RUVBL1: variants seen among roughly 807,000 people sequenced by gnomAD.
RUVBL1 encodes ruvB-like 1.
In RUVBL1, 4 loss-of-function variants were observed where a neutral mutation model predicts 52.4. The observed-to-expected ratio is 0.08, with a 90% CI of 0.04 to 0.17. The LOEUF (loss-of-function observed/expected upper bound fraction) is 0.17. RUVBL1 is among the 10% of genes least tolerant of loss of function. RUVBL1 has a pLI of 1.00. For synonymous variants in RUVBL1, 217 were observed against 214.4 expected, an observed-to-expected ratio of 1.01 and a Z score of -0.10; for missense variants, 298 against 572.8, an observed-to-expected ratio of 0.52 and a Z score of 4.90.
At chr3:128,079,553 G>A (rs1167657214), downstream of RUVBL1, among the ~76,000 whole-genome samples, 4 of 152,156 alleles carry the variant, frequency 2.6e-5, no homozygotes, top group Admixed American at 2.6e-4. Context: ...AACATGGCTC[G>A]AGTGGGGAGG....
upstream of RUVBL1, among the ~76,000 whole-genome samples, chr3:128,125,996 G>C (rs1943784025): frequency 6.6e-6 from 1 of 152,142 alleles, no homozygotes; most frequent in African/African-American, 2.4e-5. Context: ...CAGAAAGAAG[G>C]ATTTCCTTCT....
chr3:128,093,018 A>C (rs1241540823), intron 8 of RUVBL1, among the ~76,000 whole-genome samples: 1 of 152,114 alleles, frequency 6.6e-6, no homozygotes, highest in Admixed American at 6.5e-5. Context: ...TACTTTAAAA[A>C]AGAAAAAGAA....
chr3:128,123,149 C>T (rs1348610413), intron 1 of RUVBL1, among the ~76,000 whole-genome samples: 1 of 152,112 alleles, frequency 6.6e-6, no homozygotes, highest in Non-Finnish European at 1.5e-5. Context: ...CTGACCGTGG[C>T]CGACAAAGCC....
At chr3:128,146,518 A>C (rs1345361576) in intron 1 of RUVBL1, among the ~76,000 whole-genome samples, 2 of 112,470 alleles carry the variant, frequency 1.8e-5, no homozygotes, top group East Asian at 5.2e-4. Flanking sequence ...GTGTGCGTGC[A>C]TCTGTGTGTG....
At chr3:128,064,972 A>G in exon 10 of RUVBL1, 1 of 1,614,212 alleles carries the variant, frequency 6.2e-7, no homozygotes, top group Non-Finnish European at 8.5e-7. Flanking sequence ...CTACCGCCAG[A>G]ATCTTCCCAA....
At chr3:128,105,050 G>T in intron 3 of RUVBL1, 126 bp from the exon 4 acceptor site, 13 of 980,372 alleles carry the variant, frequency 1.3e-5, no homozygotes, top group Non-Finnish European at 1.9e-5. Context: ...AGGGTGTCAT[G>T]ATGGGTAAAA....
chr3:128,081,665 A>G lies in RUVBL1; in HGVS notation c.1212-256T>C. 2.3e-6 allele frequency: 1 copy of G among 443,720 alleles called. No homozygotes were observed. 27.5% of individuals were successfully genotyped at this position (443,720 alleles called of 1,614,324 possible). A position where few individuals can be genotyped will look rare whatever the true frequency, so the allele number is the denominator to read the frequency against. ...CCCAAATCTTTAGTACAGTCTACAA[A>G]TCCTCCAGTAGGAAGTAATGTCACT... On this transcript the variant is annotated intron_variant, in intron 10 of 10. Coordinates refer to ENST00000322623, the MANE Select transcript of RUVBL1 (RefSeq NM_003707.3). The surrounding 1 kb of genome is among the most constrained non-coding windows in gnomAD (Gnocchi z 4.8).
chr3:128,136,904 T>G (rs1325874231), intron 1 of RUVBL1, among the ~76,000 whole-genome samples: 1 of 152,056 alleles, frequency 6.6e-6, no homozygotes, highest in African/African-American at 2.4e-5. Flanking sequence ...TCACCACATA[T>G]AGAAAGCAAA....
intron 1 of RUVBL1, among the ~76,000 whole-genome samples, chr3:128,131,530 C>A (rs576426460): frequency 1.4e-4 from 21 of 146,194 alleles, no homozygotes; most frequent in African/African-American, 5.0e-4. Flanking sequence ...CCAACAACAA[C>A]AACAAAAAAA....
chr3:128,138,285 A>G (rs1384893871), intron 1 of RUVBL1, among the ~76,000 whole-genome samples: 1 of 152,116 alleles, frequency 6.6e-6, no homozygotes, highest in East Asian at 1.9e-4. Context: ...ATATTTACAA[A>G]AAACTAAAGA....
At chr3:128,099,896 C>T (rs1363125221) in intron 6 of RUVBL1, among the ~76,000 whole-genome samples, 2 of 152,170 alleles carry the variant, frequency 1.3e-5, no homozygotes, top group African/African-American at 2.4e-5. Context: ...CAGCCCAGCA[C>T]TCTTCTCAGG....
intron 8 of RUVBL1, among the ~76,000 whole-genome samples, chr3:128,096,555 G>A (rs141324134): frequency 6.6e-6 from 1 of 152,304 alleles, no homozygotes; most frequent in East Asian, 1.9e-4. Flanking sequence ...GGCCGGGCGT[G>A]GTGGTTCATG....
chr3:128,133,991 G>T (rs907430152), intron 1 of RUVBL1, among the ~76,000 whole-genome samples: 2 of 152,042 alleles, frequency 1.3e-5, no homozygotes, highest in Non-Finnish European at 2.9e-5. Context: ...GAAGCGCAAC[G>T]AAATTCAAGA....
Position 128,115,007 on chromosome 3 carries a change from TA to T in RUVBL1, c.229-1988del, listed in dbSNP as rs71615964. On this transcript the variant is annotated intron_variant, in intron 2 of 10. Transcript: ENST00000322623. ...CATTAAAATATGATAAATACTTGGT[TA>T]AAAAAAAAAAGCTTCATGTGTGTCT... Among the ~76,000 whole-genome samples, 392 of 146,354 alleles carry T rather than the reference TA, an allele frequency of 2.7e-3. 1 individual carries two copies. Among genetic ancestry groups the T allele is most frequent in the African/African-American group, 7.9e-3 (319 of 40,224 alleles).
At chr3:128,151,960 G>C (rs1361292731) in intron 1 of RUVBL1, among the ~76,000 whole-genome samples, 1 of 152,214 alleles carries the variant, frequency 6.6e-6, no homozygotes, top group African/African-American at 2.4e-5. Context: ...GGAAGGAGGA[G>C]GCAATGTTGG....
intron 1 of RUVBL1, chr3:128,141,926 T>C (rs1206253555): frequency 6.6e-6 from 1 of 152,290 alleles, no homozygotes; most frequent in Non-Finnish European, 1.5e-5. Flanking sequence ...CCAGGGGCCA[T>C]GCTGTCTCTG....
chr3:128,121,469 G>T (rs940580773), intron 1 of RUVBL1, among the ~76,000 whole-genome samples: 2 of 151,216 alleles, frequency 1.3e-5, no homozygotes, highest in Non-Finnish European at 3.0e-5. Context: ...CCAGCACTTC[G>T]GGAGGCCGAG....
chr3:128,124,124 G>A (rs1209796790), upstream of RUVBL1, among the ~76,000 whole-genome samples: 1 of 152,042 alleles, frequency 6.6e-6, no homozygotes, highest in Non-Finnish European at 1.5e-5. Context: ...ATACTCTTAC[G>A]CAAATCTCAA....
chr3:128,084,727 T>C (rs1474062492), intron 9 of RUVBL1: 1 of 152,208 alleles, frequency 6.6e-6, no homozygotes, highest in African/African-American at 2.4e-5. Context: ...TTTATGAGGG[T>C]GTCGGCTTGG....
Sources: allele counts gnomAD v4.1 joint callset (sites outside exome capture counted in the v4.1 genomes callset), GRCh38; gene constraint gnomAD v4.1.1; non-coding constraint Gnocchi (gnomAD v3.1); transcripts MANE v1.5; gene names NCBI Gene and HGNC (gene_info 2026-07-23, HGNC 2026-07-21).